The following ROS1 variants were observed in gnomAD, a reference collection of about 807,000 sequenced individuals.
The protein encoded by ROS1 is proto-oncogene tyrosine-protein kinase ROS.
Under a neutral mutation model 273.5 loss-of-function variants are expected in ROS1, and 263 were observed. The ratio of observed to expected loss-of-function variants is 0.96; its 90% CI spans 0.87 to 1.06. The LOEUF (loss-of-function observed/expected upper bound fraction) is 1.06. ROS1 is among the 50% of genes least tolerant of loss of function. The pLI, the probability that ROS1 is intolerant of heterozygous loss-of-function variation, is 0.00. For missense variants in ROS1, 2,833 were observed against 2,751.1 expected, an observed-to-expected ratio of 1.03 and a Z score of -0.67; for synonymous variants, 1,008 against 954.1, an observed-to-expected ratio of 1.06 and a Z score of -1.04.
intron 18 of ROS1, among the ~76,000 whole-genome samples, chr6:117,371,623 A>G (rs1267395356): frequency 6.6e-6 from 1 of 152,186 alleles, no homozygotes; most frequent in Non-Finnish European, 1.5e-5. Context: ...CACAGAAACC[A>G]TGACAGGTGG....
intron 4 of ROS1, among the ~76,000 whole-genome samples, chr6:117,412,983 T>C (rs999555296): frequency 6.6e-6 from 1 of 152,118 alleles, no homozygotes; most frequent in African/African-American, 2.4e-5. Flanking sequence ...GGAGAGACCT[T>C]TGTCTCTTTA....
At chr6:117,312,151 C>T (rs1357348038) in intron 39 of ROS1, among the ~76,000 whole-genome samples, 1 of 152,086 alleles carries the variant, frequency 6.6e-6, no homozygotes, top group Non-Finnish European at 1.5e-5. Context: ...TTCCTTATAC[C>T]TACTCTGCAT....
At chr6:117,324,263 G>GA (rs1776480628) in intron 35 of ROS1, 69 bp downstream of exon 35, 2 of 753,450 alleles carry the variant, frequency 2.7e-6, no homozygotes, top group Non-Finnish European at 4.6e-6. Flanking sequence ...GATCAACTAA[G>GA]AGATAAATCA....
intron 43 of ROS1, among the ~76,000 whole-genome samples, chr6:117,292,933 T>G (rs751205215): frequency 6.6e-6 from 1 of 152,240 alleles, no homozygotes; most frequent in Non-Finnish European, 1.5e-5. Flanking sequence ...TTTTGATTAG[T>G]GTGACCAATA....
intron 20 of ROS1, 101 bp downstream of exon 20, chr6:117,365,480 G>T (rs1381589120): frequency 3.0e-6 from 3 of 1,000,288 alleles, no homozygotes; most frequent in Non-Finnish European, 4.6e-6. Context: ...CAAAGAAGAT[G>T]GGCTTGGCTA....
At chr6:117,335,063 A>T (rs914115008) in intron 32 of ROS1, among the ~76,000 whole-genome samples, 1 of 152,210 alleles carries the variant, frequency 6.6e-6, no homozygotes, top group African/African-American at 2.4e-5. Context: ...CAACCTACAG[A>T]ATGGGAGAAA....
intron 18 of ROS1, among the ~76,000 whole-genome samples, chr6:117,367,640 T>C (rs185825939): frequency 2.0e-5 from 3 of 152,264 alleles, no homozygotes; most frequent in East Asian, 3.9e-4. Context: ...ATGTAGGGGA[T>C]TCTTCAGAAA....
intron 35 of ROS1, among the ~76,000 whole-genome samples, chr6:117,322,675 C>A (rs907509964): frequency 2.0e-5 from 3 of 152,114 alleles, no homozygotes; most frequent in Non-Finnish European, 4.4e-5. Flanking sequence ...CTGATGAGTG[C>A]CCTCAGCACA....
chr6:117,386,829 T>C, intron 15 of ROS1, 60 bp downstream of exon 15: 1 of 809,082 alleles, frequency 1.2e-6, no homozygotes, highest in Non-Finnish European at 2.0e-6. Flanking sequence ...CATTGAATGA[T>C]GTGGGAAGTC....
intron 42 of ROS1, among the ~76,000 whole-genome samples, chr6:117,303,663 G>A (rs777118026): frequency 6.6e-6 from 1 of 152,224 alleles, no homozygotes; most frequent in South Asian, 2.1e-4. Flanking sequence ...CACTACAAGG[G>A]GAAGCTTTTC....
At chr6:117,369,194 G>A (rs1780529025) in intron 18 of ROS1, among the ~76,000 whole-genome samples, 1 of 152,094 alleles carries the variant, frequency 6.6e-6, no homozygotes, top group South Asian at 2.1e-4. Context: ...TTACTTGGAA[G>A]GCAAAAGTAC....
At chr6:117,338,539 C>CAAAAAAAAAA (rs3086778) in intron 31 of ROS1, among the ~76,000 whole-genome samples, 169 of 141,630 alleles carry the variant, frequency 1.2e-3, no homozygotes, top group African/African-American at 3.9e-3. Context: ...AACTCCTGGC[C>CAAAAAAAAAA]AAAAAAAAAA....
In ROS1 at chr6:117,396,937, T is replaced by C. The variant is rs955421054; in HGVS notation, c.784A>G (p.Thr262Ala). The change falls in exon 8 of 44, where the codon ACT (threonine) becomes GCT (alanine). Residue 262 changes from threonine (T) to alanine (A), a missense_variant. Coordinates refer to ENST00000368507, the MANE Select transcript of ROS1 (RefSeq NM_001378902.1). The stretch of plus-strand genomic sequence containing the variant: ...TACCTGTAGATAGTATTTGGTAAAG[T>C]GGAGTAAAACTGGAAACTGGTTCTC... ...TQRTSFQFYS[T>A]LPNTIYRFSI... 1 of 1,613,636 alleles carries C rather than the reference T, an allele frequency of 6.2e-7. No individual in the cohort carries two copies. Among genetic ancestry groups the C allele is most frequent in the Non-Finnish European group, 8.5e-7 (1 of 1,179,516 alleles).
intron 1 of ROS1, 118 bp from the exon 2 acceptor site, chr6:117,418,624 A>G (rs981484651): frequency 1.9e-5 from 12 of 639,858 alleles, no homozygotes; most frequent in Non-Finnish European, 3.1e-5. Context: ...TTGTAACTCT[A>G]AAGTAAAGAG....
rs772446253 is a variant in ROS1 at position 117,321,367 on chromosome 6, T to C, written c.5651A>G (p.Lys1884Arg). 1.1e-5 allele frequency: 17 copies of C among 1,612,964 alleles called. No homozygotes were observed. The South Asian group carries it at 1.9e-4, about 18-fold the overall frequency. Residue 1884 changes from lysine to arginine, a missense_variant, in exon 36 of 44, where the codon AAA becomes AGA. Physicochemically the swap from Lys to Arg is conservative, Grantham distance 26 (BLOSUM62 2). Coordinates refer to ENST00000368507, the MANE Select transcript of ROS1 (RefSeq NM_001378902.1). The part of the protein sequence containing the change: ...FVWHRRLKNQ[K>R]SAKEGVTVLI... ...CACTGTCACCCCTTCCTTGGCACTT[T>C]TTTGATTCTTTAATCTTCTATGCCA...
intron 27 of ROS1, among the ~76,000 whole-genome samples, chr6:117,348,897 T>C (rs1218137994): frequency 2.0e-5 from 3 of 152,034 alleles, no homozygotes; most frequent in Non-Finnish European, 4.4e-5. Flanking sequence ...TTTCCAGCTA[T>C]CTTTCAGTTA....
chr6:117,315,506 T>C (rs150276033), intron 39 of ROS1, among the ~76,000 whole-genome samples: 1 of 152,064 alleles, frequency 6.6e-6, no homozygotes, highest in African/African-American at 2.4e-5. Context: ...GGAATCAGAG[T>C]GGCATAAGAA....
chr6:117,401,803 TAAAAA>T (rs35593860), intron 7 of ROS1, among the ~76,000 whole-genome samples: 2 of 89,186 alleles, frequency 2.2e-5, no homozygotes, highest in African/African-American at 4.4e-5. Context: ...AACTTTTCAG[TAAAAA>T]AAAAAAAAAA....
intron 2 of ROS1, 22 bp downstream of exon 2, chr6:117,418,440 G>T: frequency 6.5e-7 from 1 of 1,545,334 alleles, no homozygotes; most frequent in South Asian, 1.2e-5. Context: ...TAATATTCTT[G>T]ACAACTGAAG....
Sources: allele counts gnomAD v4.1 joint callset (sites outside exome capture counted in the v4.1 genomes callset), GRCh38; gene constraint gnomAD v4.1.1; transcripts MANE v1.5; gene names NCBI Gene and HGNC (gene_info 2026-07-23, HGNC 2026-07-21).